Variants in PRKCZ observed in about 807,000 individuals in gnomAD.
PRKCZ encodes protein kinase C zeta type.
A neutral mutation model predicts 79.5 loss-of-function variants in PRKCZ; 33 were observed. The observed-to-expected ratio is 0.41, with a 90% CI of 0.31 to 0.55. The LOEUF (loss-of-function observed/expected upper bound fraction) is 0.55, where lower values mean the gene tolerates loss of function less well. Ranked by LOEUF, PRKCZ falls within the 20% of genes least tolerant of loss-of-function variation. The pLI, the probability that PRKCZ is intolerant of heterozygous loss-of-function variation, is 0.19. For missense variants in PRKCZ, 578 were observed against 813.5 expected (o/e 0.71, Z 3.52); for synonymous variants, 342 against 320.9 (o/e 1.07, Z -0.70).
chr1:2,177,544 T>TC lies in PRKCZ; in HGVS notation c.1575+2233dup, dbSNP rs1384888298. On this transcript the variant is annotated intron_variant, in intron 16 of 17. Transcript: ENST00000378567. This position sits in a 1 kb window ranked among gnomAD's most constrained non-coding sequence, Gnocchi z 6.4. ...GATGGCTGCCTGTGGAGTGACGGGC[T>TC]CCTTCTCTTCGGAGCACTGTCTAAT... Among the ~76,000 whole-genome samples, 4 of 152,142 alleles carry TC rather than the reference T, an allele frequency of 2.6e-5. No individual in the cohort carries two copies. Among genetic ancestry groups the TC allele is most frequent in the Non-Finnish European group, 5.9e-5 (4 of 68,010 alleles).
chr1:2,107,311 C>T (rs1668745490), intron 4 of PRKCZ, among the ~76,000 whole-genome samples: 1 of 152,242 alleles, frequency 6.6e-6, no homozygotes, highest in South Asian at 2.1e-4. Context: ...CGTCCTCCCT[C>T]TCCTGAGGCA....
At chr1:2,101,034 A>G (rs1667355318) in intron 4 of PRKCZ, among the ~76,000 whole-genome samples, 1 of 151,842 alleles carries the variant, frequency 6.6e-6, no homozygotes, top group Non-Finnish European at 1.5e-5. Context: ...AAAAAAAAAA[A>G]AAAAGGCGTT....
At chr1:2,107,207 G>T (rs568894436) in intron 4 of PRKCZ, among the ~76,000 whole-genome samples, 3 of 152,372 alleles carry the variant, frequency 2.0e-5, no homozygotes, top group East Asian at 3.9e-4. Context: ...AGTGAGTGCT[G>T]CCTGCACCAA....
chr1:2,135,216 G>C lies in PRKCZ; in HGVS notation c.335-46G>C, dbSNP rs190605440. 3.2e-4 allele frequency: 490 copies of C among 1,539,350 alleles called. 1 individual carries two copies. In the African/African-American group the frequency reaches 5.2e-3, roughly 16 times the overall value. On this transcript the variant is annotated intron_variant, in intron 4 of 17. Transcript: ENST00000378567. ...TCGCAGCTGCACCCTGCGTGGGCTC[G>C]TGGCTGCCACGCTGTTTCTTTACAC...
At position 2,185,346 on chromosome 1, in the gene PRKCZ, A is replaced by ACT; in HGVS notation, c.*337_*338insCT. 1 of 718,846 alleles carries ACT rather than the reference A, an allele frequency of 1.4e-6. No individual in the cohort carries two copies. Among genetic ancestry groups the ACT allele is most frequent in the African/African-American group, 1.7e-5 (1 of 57,402 alleles). The allele number at this position is 718,846 out of a possible 1,614,324, so 44.5% of individuals were successfully genotyped here. ...CGATGCACTGACCTGCTCCGCCAGG[A>ACT]AAGTGAGCGTGTAGCGTCCTGAGGA... On this transcript the variant is annotated 3_prime_UTR_variant, in exon 18 of 18. Transcript: ENST00000378567.
chr1:2,057,711 G>T (rs2102227199), intron 3 of PRKCZ, among the ~76,000 whole-genome samples: 1 of 151,990 alleles, frequency 6.6e-6, no homozygotes, highest in South Asian at 2.1e-4. Context: ...TCCAAAACTT[G>T]TTTTATTTTT....
intron 4 of PRKCZ, among the ~76,000 whole-genome samples, chr1:2,123,864 TCAC>T (rs1557625263): frequency 1.6e-4 from 1 of 6,088 alleles, no homozygotes; most frequent in African/African-American, 1.2e-3. Context: ...GTGGTTAGGG[TCAC>T]GGTGGCGGTT....
chr1:2,143,530 T>C (rs181409263), intron 5 of PRKCZ: 17 of 152,316 alleles, frequency 1.1e-4, no homozygotes, highest in African/African-American at 3.9e-4. Flanking sequence ...AGGCAGAAAA[T>C]GTCCAAGCAG....
Position 2,059,534 on chromosome 1 carries a change from T to C in PRKCZ, c.284-7T>C, listed in dbSNP as rs980389977. ...CTTGACGCTGTCTCTTTCTCTCTCT[T>C]GTCCAGTTTTCCCGAGCACCCCTGA... On this transcript the variant is annotated splice_polypyrimidine_tract_variant and splice_region_variant and intron_variant, in intron 3 of 17. Coordinates refer to ENST00000378567, the MANE Select transcript of PRKCZ (RefSeq NM_002744.6). The C allele has an allele frequency of 9.3e-6, 15 of 1,614,004 alleles. No homozygotes were observed. The highest frequency in any genetic ancestry group is 6.7e-5 in the East Asian group (3 of 44,892).
At chr1:2,072,448 C>T (rs1049650726) in intron 4 of PRKCZ, among the ~76,000 whole-genome samples, 5 of 152,102 alleles carry the variant, frequency 3.3e-5, no homozygotes, top group African/African-American at 7.2e-5. Flanking sequence ...GGGCAAGCGC[C>T]GGGTGGGTTG....
rs1399298996 is a variant in PRKCZ at position 2,124,050 on chromosome 1, C to T, written c.335-11212C>T. On this transcript the variant is annotated intron_variant, in intron 4 of 17. Coordinates refer to ENST00000378567, the MANE Select transcript of PRKCZ (RefSeq NM_002744.6). ...ACGGCGGCGGTTAGGGTCACGGCGG[C>T]GGTTAGGGTCACGGCGGCGGTTAGG... Among the ~76,000 whole-genome samples, 4 of 2,622 alleles carry T rather than the reference C, an allele frequency of 1.5e-3. 2 individuals carry two copies. Among genetic ancestry groups the T allele is most frequent in the African/African-American group, 6.1e-3 (2 of 328 alleles). 1.7% of individuals were successfully genotyped at this position (2,622 alleles called of 152,430 possible).
chr1:2,074,204 A>G lies in PRKCZ; in HGVS notation c.334+14613A>G. On this transcript the variant is annotated intron_variant, in intron 4 of 17. Coordinates refer to ENST00000378567, the MANE Select transcript of PRKCZ (RefSeq NM_002744.6). Reference sequence around the variant, plus strand: ...TTGCGGGTGACAGATTTTTAGAAAAATAAGGCTGTGGAGGGACCTTCTGAG... The same window carrying G: ...TTGCGGGTGACAGATTTTTAGAAAAGTAAGGCTGTGGAGGGACCTTCTGAG... The G allele has an allele frequency of 3.2e-6, 5 of 1,550,432 alleles. 1 individual carries two copies. In the South Asian group the frequency reaches 4.8e-5, roughly 15 times the overall value.
At chr1:2,164,726 C>G (rs1051034048) in intron 10 of PRKCZ, among the ~76,000 whole-genome samples, 6 of 152,188 alleles carry the variant, frequency 3.9e-5, no homozygotes, top group African/African-American at 1.2e-4. Context: ...TTTCAATTCC[C>G]GGGAACATTC....
At chr1:2,170,735 G>A (rs1684267858) in intron 11 of PRKCZ, among the ~76,000 whole-genome samples, 1 of 152,248 alleles carries the variant, frequency 6.6e-6, no homozygotes, top group African/African-American at 2.4e-5. Flanking sequence ...CCTCATCGGA[G>A]TGGAATCACA....
At chr1:2,079,529 G>A (rs570283057) in intron 4 of PRKCZ, among the ~76,000 whole-genome samples, 9 of 152,306 alleles carry the variant, frequency 5.9e-5, no homozygotes, top group South Asian at 2.1e-4. Context: ...ACGTGACCTC[G>A]GCCACAACGC....
chr1:2,072,296 A>G (rs2102309350), intron 4 of PRKCZ, among the ~76,000 whole-genome samples: 1 of 152,368 alleles, frequency 6.6e-6, no homozygotes, highest in Non-Finnish European at 1.5e-5. Flanking sequence ...ACACAGGTTT[A>G]TGAGCTTGAT....
intron 4 of PRKCZ, among the ~76,000 whole-genome samples, chr1:2,122,060 G>A (rs545056771): frequency 9.7e-5 from 1 of 10,258 alleles, no homozygotes; most frequent in Non-Finnish European, 1.7e-4. Context: ...GGGTCGTGGT[G>A]GTTAGGGTCA....
chr1:2,150,810 T>C lies in PRKCZ; in HGVS notation c.708T>C (p.Asp236=), dbSNP rs147101983. 6.0e-5 allele frequency: 97 copies of C among 1,613,864 alleles called. No individual in the cohort carries two copies. The highest frequency in any genetic ancestry group is 8.1e-5 in the Non-Finnish European group (96 of 1,179,958). The change falls in exon 9 of 18, where the codon GAT becomes GAC. Residue 236 remains aspartate, a synonymous_variant. Coordinates refer to ENST00000378567, the MANE Select transcript of PRKCZ (RefSeq NM_002744.6). ...CCTAGGACCTTAAGCCAGTTATCGATGGGATGGATGGAATCAAAATCTCTC... is the reference window on the plus strand; with the variant it reads ...CCTAGGACCTTAAGCCAGTTATCGACGGGATGGATGGAATCAAAATCTCTC... ...DDSEDLKPVI[D]GMDGIKISQG...
chr1:2,114,736 T>C (rs529713886), intron 4 of PRKCZ, among the ~76,000 whole-genome samples: 1 of 151,854 alleles, frequency 6.6e-6, no homozygotes, highest in Non-Finnish European at 1.5e-5. Flanking sequence ...ATCGTGCCAC[T>C]GCACTCCAGC....
Sources: gnomAD v4.1 joint callset for allele counts (sites outside exome capture counted in the v4.1 genomes callset) on GRCh38, gnomAD v4.1.1 for gene constraint, Gnocchi (gnomAD v3.1) non-coding constraint, MANE v1.5 for transcripts, NCBI Gene and HGNC (gene_info 2026-07-23, HGNC 2026-07-21) for gene names.